RUBCN: variants seen among roughly 807,000 people sequenced by gnomAD.
RUBCN encodes rubicon autophagy regulator.
A neutral mutation model predicts 113.2 loss-of-function variants in RUBCN; 74 were observed. That is an observed-to-expected ratio of 0.65 (90% CI 0.54 to 0.79). The LOEUF (loss-of-function observed/expected upper bound fraction) is 0.79, where lower values mean the gene tolerates loss of function less well. Ranked by LOEUF, RUBCN falls within the 30% of genes least tolerant of loss-of-function variation. RUBCN has a pLI of 0.00. For missense variants in RUBCN, 1,109 were observed against 1,251.7 expected (o/e 0.89, Z 1.72); for synonymous variants, 480 against 490.0 (o/e 0.98, Z 0.27).
At chr3:197,698,283 C>G (rs1238428692) in intron 7 of RUBCN, among the ~76,000 whole-genome samples, 1 of 152,260 alleles carries the variant, frequency 6.6e-6, no homozygotes, top group African/African-American at 2.4e-5. Flanking sequence ...CTTTAACCAT[C>G]TGTTTTCCAA....
At chr3:197,725,446 T>C (rs1364280639) in intron 1 of RUBCN, among the ~76,000 whole-genome samples, 1 of 151,576 alleles carries the variant, frequency 6.6e-6, no homozygotes, top group African/African-American at 2.4e-5. Flanking sequence ...TCTTATATAG[T>C]CTCTCAGCTC....
intron 2 of RUBCN, among the ~76,000 whole-genome samples, chr3:197,708,114 G>T (rs1310174915): frequency 6.6e-6 from 1 of 151,820 alleles, no homozygotes; most frequent in African/African-American, 2.4e-5. Flanking sequence ...TTTTATGATA[G>T]CAAATAAAGA....
At chr3:197,729,353 C>T (rs949977099) in intron 1 of RUBCN, among the ~76,000 whole-genome samples, 31 of 151,954 alleles carry the variant, frequency 2.0e-4, no homozygotes, top group African/African-American at 3.4e-4. Context: ...CCCGGGCTCA[C>T]GCCATTCTCC....
intron 6 of RUBCN, 99 bp downstream of exon 6, chr3:197,701,609 C>T (rs942784548): frequency 1.4e-5 from 16 of 1,107,958 alleles, no homozygotes; most frequent in South Asian, 3.9e-5. Context: ...AAACTACCAA[C>T]CCAAGTCTCA....
At chr3:197,707,772 C>T (rs1490925142) in intron 2 of RUBCN, among the ~76,000 whole-genome samples, 1 of 151,988 alleles carries the variant, frequency 6.6e-6, no homozygotes, top group African/African-American at 2.4e-5. Context: ...CGAGACCAGC[C>T]TGGTCAACAT....
At chr3:197,730,885 C>CTTTTTTTTTTTTTTTTTTTTTTTTTT (rs71166707) in intron 1 of RUBCN, among the ~76,000 whole-genome samples, 3 of 50,006 alleles carry the variant, frequency 6.0e-5, no homozygotes, top group African/African-American at 1.6e-4. Flanking sequence ...TTAAAAGCAT[C>CTTTTTTTTTTTTTTTTTTTTTTTTTT]TTTTTTTTTT....
rs1724105163 is a variant in RUBCN, at chr3:197,704,834, A to AGGC, written c.304-136_304-134dup. On this transcript the variant is annotated intron_variant, in intron 3 of 19. Transcript: ENST00000296343. ...AAAGGCTTCACCCTGGGTCCCATGT[A>AGGC]GGCAGGCTTTTTTGAAAATAGCAAA... The AGGC allele has an allele frequency of 6.7e-5, 72 of 1,068,370 alleles. 1 individual carries two copies. The South Asian group carries it at 9.6e-4, about 14-fold the overall frequency. The allele number at this position is 1,068,370 out of a possible 1,614,324, so 66.2% of individuals were successfully genotyped here. A position where few individuals can be genotyped will look rare whatever the true frequency, so the allele number is the denominator to read the frequency against.
chr3:197,714,126 C>T (rs752493336), intron 2 of RUBCN, among the ~76,000 whole-genome samples: 1 of 151,988 alleles, frequency 6.6e-6, no homozygotes, highest in Non-Finnish European at 1.5e-5. Context: ...TTGCCCAGCA[C>T]CACTCAGTTA....
At chr3:197,736,591 T>C (rs1728157076) in intron 1 of RUBCN, 64 bp downstream of exon 1, 1 of 1,481,124 alleles carries the variant, frequency 6.8e-7, no homozygotes, top group East Asian at 2.6e-5. Context: ...CCCCGCGCCC[T>C]CCCAAGCCTC....
At position 197,669,786 on chromosome 3, in the gene RUBCN, T is replaced by C. The variant is rs1293132363; in HGVS notation, c.*5232A>G. Among the ~76,000 whole-genome samples, 2 of 152,274 alleles carry C rather than the reference T, an allele frequency of 1.3e-5. No individual in the cohort carries two copies. Among genetic ancestry groups the C allele is most frequent in the Non-Finnish European group, 2.9e-5 (2 of 68,050 alleles). ...GAGAATTTATTTATTTGGTCATTTA[T>C]TTATGTATGTATGGACTAATAAATA... On this transcript the variant is annotated 3_prime_UTR_variant, in exon 20 of 20. Coordinates refer to ENST00000296343, the MANE Select transcript of RUBCN (RefSeq NM_014687.4).
upstream of RUBCN, chr3:197,737,176 G>C (rs1728253267): frequency 2.0e-5 from 4 of 201,484 alleles, no homozygotes; most frequent in Middle Eastern, 6.0e-3. Flanking sequence ...AATCCGTGCC[G>C]GGGCGTATCC....
chr3:197,718,788 T>A (rs898526635), intron 1 of RUBCN, among the ~76,000 whole-genome samples: 1 of 152,148 alleles, frequency 6.6e-6, no homozygotes, highest in African/African-American at 2.4e-5. Context: ...TACAAAAAGA[T>A]GAAGGCATCC....
chr3:197,732,270 CAG>C (rs1215654270), intron 1 of RUBCN, among the ~76,000 whole-genome samples: 1 of 152,212 alleles, frequency 6.6e-6, no homozygotes, highest in Admixed American at 6.5e-5. Context: ...TCTAGGGAGA[CAG>C]AGCAATGCCA....
chr3:197,730,984 T>C (rs1417319915), intron 1 of RUBCN, among the ~76,000 whole-genome samples: 3 of 147,312 alleles, frequency 2.0e-5, no homozygotes, highest in Admixed American at 7.0e-5. Context: ...ATGTGTTAAC[T>C]AGAGGTTTTT....
chr3:197,718,110 A>C lies in RUBCN; in HGVS notation c.86T>G (p.Leu29Arg). ...CTCCACCGTCGTCTTCAAATTACCC[A>C]GCAACTGCCAGTGCTCCCTCCTGCA... ...EESRREHWQL[L>R]GNLKTTVEGL... is the part of the protein sequence containing the mutation. Residue 29 changes from leucine to arginine, a missense_variant, in exon 2 of 20, where the codon CTG becomes CGG. By Grantham distance (102) the Leu-to-Arg change is moderately radical (BLOSUM62 -2). This residue lies in a region of RUBCN where 736 missense variants were observed against 779.6 expected (regional missense o/e 0.94). Transcript: ENST00000296343. The C allele has an allele frequency of 6.2e-7, 1 of 1,614,186 alleles. No homozygotes were observed. Among genetic ancestry groups the C allele is most frequent in the Non-Finnish European group, 8.5e-7 (1 of 1,180,030 alleles).
chr3:197,689,757 T>C (rs1250919346), intron 11 of RUBCN, among the ~76,000 whole-genome samples: 1 of 152,252 alleles, frequency 6.6e-6, no homozygotes, highest in Non-Finnish European at 1.5e-5. Flanking sequence ...CAATGTGTAA[T>C]GGTCAAAGCA....
intron 11 of RUBCN, among the ~76,000 whole-genome samples, chr3:197,690,401 G>C (rs1017107813): frequency 6.6e-6 from 1 of 152,212 alleles, no homozygotes; most frequent in African/African-American, 2.4e-5. Context: ...TTGCGCCATT[G>C]CACTCCAGCA....
chr3:197,730,269 T>C (rs2108995801), intron 1 of RUBCN, among the ~76,000 whole-genome samples: 1 of 152,298 alleles, frequency 6.6e-6, no homozygotes, highest in Non-Finnish European at 1.5e-5. Context: ...GATCCAGGGT[T>C]GGGCACATAA....
At chr3:197,677,810 TCTGA>T (rs1003023870) in intron 16 of RUBCN, among the ~76,000 whole-genome samples, 13 of 142,296 alleles carry the variant, frequency 9.1e-5, no homozygotes, top group South Asian at 7.3e-4. Flanking sequence ...TGTCCCACAC[TCTGA>T]CTGACAGCTG....
Sources: gnomAD v4.1 joint callset for allele counts (sites outside exome capture counted in the v4.1 genomes callset) on GRCh38, gnomAD v4.1.1 for gene constraint, gnomAD v4.1.1 regional missense constraint, MANE v1.5 for transcripts, NCBI Gene and HGNC (gene_info 2026-07-23, HGNC 2026-07-21) for gene names.